SLC11A2: variants seen among roughly 807,000 people sequenced by gnomAD.
SLC11A2 encodes the protein solute carrier family 11 member 2.
In SLC11A2, 38 loss-of-function variants were observed where a neutral mutation model predicts 68.0. The ratio of observed to expected loss-of-function variants is 0.56; its 90% CI spans 0.43 to 0.73. The LOEUF is 0.73. Ranked by LOEUF, SLC11A2 falls within the 30% of genes least tolerant of loss-of-function variation. The probability of loss-of-function intolerance (pLI) is 0.00; values close to 1 mark genes in which losing one functional copy is unlikely to be tolerated. For synonymous variants in SLC11A2, 242 were observed against 250.6 expected, an observed-to-expected ratio of 0.97 and a Z score of 0.32; for missense variants, 517 against 690.5, an observed-to-expected ratio of 0.75 and a Z score of 2.82.
chr12:51,001,164 C>CAAAAA (rs34496378), intron 5 of SLC11A2, among the ~76,000 whole-genome samples: 1 of 103,832 alleles, frequency 9.6e-6, no homozygotes, highest in Non-Finnish European at 2.0e-5. Flanking sequence ...GACTCCATCT[C>CAAAAA]AAAAAAAAAA....
intron 1 of SLC11A2, among the ~76,000 whole-genome samples, chr12:51,021,034 C>T (rs952910430): frequency 8.5e-5 from 13 of 152,058 alleles, no homozygotes; most frequent in Non-Finnish European, 1.5e-4. Context: ...AAAGCTGCAG[C>T]GAACCATGAT....
upstream of SLC11A2, chr12:51,026,484 A>T: frequency 1.6e-6 from 1 of 629,696 alleles, no homozygotes; most frequent in South Asian, 1.6e-5. Flanking sequence ...TGGCCCGCAG[A>T]CCAGGGACCT....
Position 51,005,444 on chromosome 12 carries a change from A to G in SLC11A2, c.184-8T>C. 1 of 1,613,420 alleles carries G rather than the reference A, an allele frequency of 6.2e-7. No homozygotes were observed. The highest frequency in any genetic ancestry group is 2.2e-5 in the East Asian group (1 of 44,840). On this transcript the variant is annotated splice_region_variant and splice_polypyrimidine_tract_variant and intron_variant, in intron 3 of 15. Coordinates refer to ENST00000262052, the MANE Select transcript of SLC11A2 (RefSeq NM_000617.3). ...AAAGCTAAAACAAGAGTACTGTACA[A>G]GAGAGGAAAAGAGATTAAACTGAAC...
At chr12:51,028,174 T>TA, upstream of SLC11A2, 1 of 1,531,456 alleles carries the variant, frequency 6.5e-7, no homozygotes, top group Non-Finnish European at 8.7e-7. Context: ...CTGGGCTACT[T>TA]ACTTAGTTCA....
intron 4 of SLC11A2, among the ~76,000 whole-genome samples, 174 bp downstream of exon 4, chr12:51,005,137 G>T (rs1451209657): frequency 6.6e-6 from 1 of 152,184 alleles, no homozygotes; most frequent in South Asian, 2.1e-4. Flanking sequence ...TTTGTTCAAG[G>T]AAACTATGTG....
intron 15 of SLC11A2, 187 bp downstream of exon 15, chr12:50,990,608 C>T: frequency 1.6e-6 from 1 of 607,832 alleles, no homozygotes; most frequent in South Asian, 2.1e-5. Context: ...TGGAGTCTTA[C>T]TATGTTGCCC....
chr12:50,972,674 G>A, the SLC11A2 span, among the ~76,000 whole-genome samples: 1 of 152,234 alleles, frequency 6.6e-6, no homozygotes, highest in Non-Finnish European at 1.5e-5. Flanking sequence ...CACCGAGCAT[G>A]AGCCGAAGCA....
chr12:50,996,871 G>A lies in SLC11A2; in HGVS notation c.777C>T (p.Ile259=), dbSNP rs568381780. The part of the protein sequence containing the change: ...RTPQIEQAVG[I]VGAVIMPHNM... ...TGTGTGGCATGATGACAGCTCCCACGATGCCCACAGCCTGTTCAATCTGTG... is the reference window on the plus strand; with the variant it reads ...TGTGTGGCATGATGACAGCTCCCACAATGCCCACAGCCTGTTCAATCTGTG... The change falls in exon 9 of 16, where the codon ATC becomes ATT. Residue 259 remains isoleucine (I), a synonymous_variant. Coordinates refer to ENST00000262052, the MANE Select transcript of SLC11A2 (RefSeq NM_000617.3). The A allele has an allele frequency of 7.4e-6, 12 of 1,614,008 alleles. No homozygotes were observed. Among genetic ancestry groups the A allele is most frequent in the South Asian group, 4.4e-5 (4 of 91,082 alleles).
intron 12 of SLC11A2, 57 bp downstream of exon 12, chr12:50,992,744 AAAGAAGAAG>A: frequency 2.0e-6 from 2 of 1,016,066 alleles, no homozygotes. Context: ...AAAAAAAAAA[AAAGAAGAAG>A]AAGAAGAAGT....
chr12:51,027,296 G>A (rs946485190), upstream of SLC11A2, among the ~76,000 whole-genome samples: 1 of 152,016 alleles, frequency 6.6e-6, no homozygotes, highest in Non-Finnish European at 1.5e-5. Context: ...ACAAGATCGT[G>A]CCACTGCACT....
intron 1 of SLC11A2, among the ~76,000 whole-genome samples, chr12:51,018,918 AT>A (rs1315269168): frequency 6.6e-6 from 1 of 152,212 alleles, no homozygotes; most frequent in Admixed American, 6.5e-5. Context: ...TTAGAGAGGA[AT>A]GTTTTTAAAT....
intron 1 of SLC11A2, among the ~76,000 whole-genome samples, chr12:51,015,163 A>C (rs200542213): frequency 2.2e-4 from 1 of 4,446 alleles, no homozygotes; most frequent in South Asian, 8.3e-3. Flanking sequence ...CCGTCTCATT[A>C]AAAAAAAAAA....
At chr12:51,014,390 T>C (rs964442193) in intron 1 of SLC11A2, 1 of 152,246 alleles carries the variant, frequency 6.6e-6, no homozygotes, top group African/African-American at 2.4e-5. Context: ...AGTTCATTCC[T>C]ATACCAAGTA....
Position 50,988,355 on chromosome 12 carries a change from TG to T in SLC11A2, c.1655del (p.Thr552LysfsTer33), listed in dbSNP as rs1392029713. 6.2e-7 allele frequency: 1 copy of T among 1,613,990 alleles called. No individual in the cohort carries two copies. Among genetic ancestry groups the T allele is most frequent in the African/African-American group, 1.3e-5 (1 of 74,938 alleles). ...HTVSISKGLL[T>X]EEATRGYVK ...TAACGTAGCCACGGGTGGCTTCTTC[TG>T]TCAGCAGGCCTTTAGAGATGCTTAC... is the stretch of plus-strand genomic sequence containing the variant. On this transcript the variant is annotated frameshift_variant, in exon 16 of 16. Coordinates refer to ENST00000262052, the MANE Select transcript of SLC11A2 (RefSeq NM_000617.3). LOFTEE classifies it high-confidence loss of function.
intron 1 of SLC11A2, chr12:51,014,006 G>C (rs1943436240): frequency 6.6e-6 from 1 of 152,120 alleles, no homozygotes; most frequent in South Asian, 2.1e-4. Context: ...ATTTTTAGTA[G>C]AGATGGGGTT....
chr12:50,972,583 A>G, the SLC11A2 span, among the ~76,000 whole-genome samples: 2 of 152,164 alleles, frequency 1.3e-5, no homozygotes, highest in Admixed American at 1.3e-4. Flanking sequence ...AAGATGGGTG[A>G]TTTCTCCATT....
Position 50,999,371 on chromosome 12 carries a change from A to G in SLC11A2, c.581T>C (p.Phe194Ser). ...ATATTTGTCCAAGAAGAGAAATACA[A>G]AAGTATCTGCAATGGTGATGAGAAC... Reference protein sequence around the residue: ...GGVLITIADTFVFLFLDKYGL... With the variant: ...GGVLITIADTSVFLFLDKYGL... The change falls in exon 7 of 16, where the codon TTT becomes TCT. Residue 194 changes from phenylalanine (F) to serine (S), a missense_variant. Coordinates refer to ENST00000262052, the MANE Select transcript of SLC11A2 (RefSeq NM_000617.3). The G allele has an allele frequency of 3.7e-6, 6 of 1,614,062 alleles. No homozygotes were observed. Among genetic ancestry groups the G allele is most frequent in the Non-Finnish European group, 3.4e-6 (4 of 1,179,912 alleles).
chr12:51,025,005 C>T (rs1476458831), intron 1 of SLC11A2, among the ~76,000 whole-genome samples: 5 of 152,066 alleles, frequency 3.3e-5, no homozygotes, highest in Non-Finnish European at 7.4e-5. Flanking sequence ...AATAAACAGC[C>T]GAAGGTTTCA....
chr12:50,968,822 A>T, the SLC11A2 span, among the ~76,000 whole-genome samples: 1 of 151,564 alleles, frequency 6.6e-6, no homozygotes, highest in Non-Finnish European at 1.5e-5. Flanking sequence ...GATTACAGGC[A>T]TGAGCCACCA....
Sources: gnomAD v4.1 joint callset for allele counts (sites outside exome capture counted in the v4.1 genomes callset) on GRCh38, gnomAD v4.1.1 for gene constraint, MANE v1.5 for transcripts, NCBI Gene and HGNC (gene_info 2026-07-23, HGNC 2026-07-21) for gene names.